MSRA: variants seen among roughly 807,000 people sequenced by gnomAD.
MSRA encodes mitochondrial peptide methionine sulfoxide reductase.
A neutral mutation model predicts 31.3 loss-of-function variants in MSRA; 54 were observed. That is an observed-to-expected ratio of 1.73 (90% CI 1.39 to 2.17). The LOEUF is 2.17. Ranked by LOEUF, MSRA falls within the 30% of genes most tolerant of loss-of-function variation. MSRA has a pLI of 0.00. For synonymous variants in MSRA, 169 were observed against 116.5 expected (o/e 1.45, Z -2.90); for missense variants, 507 against 300.9 (o/e 1.69, Z -5.07).
chr8:10,295,641 C>T (rs564199644), intron 3 of MSRA, among the ~76,000 whole-genome samples: 265 of 152,330 alleles, frequency 1.7e-3, no homozygotes, highest in Middle Eastern at 3.4e-3. Flanking sequence ...GGGTGTCATT[C>T]TCAACTCCAG....
At chr8:10,309,327 G>A (rs556528113) in intron 4 of MSRA, among the ~76,000 whole-genome samples, 45 of 152,390 alleles carry the variant, frequency 3.0e-4, no homozygotes, top group African/African-American at 8.7e-4. Context: ...GGAGCCTGCC[G>A]TGCAGAGCGT....
chr8:10,417,511 C>T (rs1306151192), intron 5 of MSRA, among the ~76,000 whole-genome samples: 3 of 152,068 alleles, frequency 2.0e-5, no homozygotes, highest in African/African-American at 7.2e-5. Context: ...GTCCCCCTTC[C>T]TTGTGGCTGA....
At chr8:10,149,774 A>G (rs756272203) in intron 1 of MSRA, among the ~76,000 whole-genome samples, 3 of 48,836 alleles carry the variant, frequency 6.1e-5, no homozygotes, top group African/African-American at 1.2e-4. Flanking sequence ...GGCAGAAACC[A>G]CAAAGGTGGT....
rs188405302 is a variant in MSRA, at chr8:10,189,171, G to C, written c.143-18662G>C. 1.4e-3 allele frequency among the ~76,000 whole-genome samples: 216 copies of C among 152,256 alleles called. 1 individual carries two copies. Among genetic ancestry groups the C allele is most frequent in the Admixed American group, 3.4e-3 (52 of 15,292 alleles). On this transcript the variant is annotated intron_variant, in intron 1 of 5. Coordinates refer to ENST00000317173, the MANE Select transcript of MSRA (RefSeq NM_012331.5). ...AAAAGAAATTAACATTTCATTTGTT[G>C]CTACTATGTAAAATTATAGTTTATT...
At chr8:10,232,041 T>C (rs377755761) in intron 2 of MSRA, among the ~76,000 whole-genome samples, 2 of 152,320 alleles carry the variant, frequency 1.3e-5, no homozygotes, top group East Asian at 1.9e-4. Flanking sequence ...GGGGAAAGTG[T>C]ACAGTCTCAG....
chr8:10,398,369 G>A (rs549472908), intron 5 of MSRA, among the ~76,000 whole-genome samples: 2 of 152,310 alleles, frequency 1.3e-5, no homozygotes, highest in African/African-American at 4.8e-5. Flanking sequence ...GCAGGTCAGG[G>A]TGGCTCCTCT....
intron 2 of MSRA, among the ~76,000 whole-genome samples, chr8:10,242,892 C>T (rs1158881650): frequency 2.0e-5 from 3 of 152,156 alleles, no homozygotes; most frequent in Non-Finnish European, 4.4e-5. Flanking sequence ...ATATTCCAGT[C>T]CCTGAGACGC....
intron 5 of MSRA, among the ~76,000 whole-genome samples, chr8:10,363,577 G>A (rs1804978742): frequency 6.6e-6 from 1 of 152,026 alleles, no homozygotes; most frequent in Non-Finnish European, 1.5e-5. Context: ...AAGCTCTTTA[G>A]GGCAGGATCT....
intron 5 of MSRA, among the ~76,000 whole-genome samples, chr8:10,340,591 T>C (rs1036269248): frequency 8.5e-5 from 13 of 152,346 alleles, no homozygotes; most frequent in Admixed American, 7.2e-4. Flanking sequence ...CAGGCTTGTT[T>C]TGAGTTCCTG....
At chr8:10,334,885 C>T (rs903713041) in intron 5 of MSRA, among the ~76,000 whole-genome samples, 1 of 152,250 alleles carries the variant, frequency 6.6e-6, no homozygotes, top group Admixed American at 6.5e-5. Flanking sequence ...CCGTCTGCCC[C>T]GCTGCCTCGG....
intron 5 of MSRA, among the ~76,000 whole-genome samples, chr8:10,385,734 C>T (rs776311634): frequency 6.1e-5 from 9 of 147,100 alleles, no homozygotes; most frequent in Non-Finnish European, 1.0e-4. Flanking sequence ...GAAGAGCTAC[C>T]GGTGTCATAG....
chr8:10,250,693 G>C (rs1032448299), intron 3 of MSRA: 40 of 546,866 alleles, frequency 7.3e-5, no homozygotes, highest in Non-Finnish European at 1.2e-4. Context: ...GACCCTCTGG[G>C]GGTGGTGATG....
intron 5 of MSRA, among the ~76,000 whole-genome samples, chr8:10,422,773 G>T (rs1169941490): frequency 1.3e-5 from 2 of 152,206 alleles, no homozygotes; most frequent in Non-Finnish European, 2.9e-5. Flanking sequence ...AGGGAGCTGG[G>T]CCGGGGCTAC....
intron 5 of MSRA, among the ~76,000 whole-genome samples, chr8:10,406,693 G>A (rs1384174746): frequency 3.3e-5 from 5 of 152,190 alleles, no homozygotes; most frequent in Non-Finnish European, 7.3e-5. Context: ...GGTTTTCACA[G>A]ATAAGCCATA....
intron 5 of MSRA, among the ~76,000 whole-genome samples, chr8:10,345,104 G>T (rs998151276): frequency 3.3e-5 from 5 of 152,126 alleles, no homozygotes; most frequent in African/African-American, 9.7e-5. Context: ...TCTAGAGATG[G>T]TGACGCCATG....
intron 5 of MSRA, among the ~76,000 whole-genome samples, chr8:10,406,236 G>A (rs77853206): frequency 4.1e-4 from 63 of 152,358 alleles, no homozygotes; most frequent in African/African-American, 1.5e-3. Context: ...GCTGAGGGAG[G>A]TCCCTTGCAG....
intron 3 of MSRA, among the ~76,000 whole-genome samples, chr8:10,247,277 A>G (rs1426988669): frequency 6.6e-6 from 1 of 152,174 alleles, no homozygotes; most frequent in Non-Finnish European, 1.5e-5. Flanking sequence ...AGGATAAATA[A>G]CTTACCTAAG....
chr8:10,079,037 C>G (rs1365172581), intron 1 of MSRA, among the ~76,000 whole-genome samples: 1 of 152,216 alleles, frequency 6.6e-6, no homozygotes, highest in African/African-American at 2.4e-5. Context: ...TGTGTGCTGG[C>G]AGGATCCTAC....
At chr8:10,121,539 C>G (rs1801107507) in intron 1 of MSRA, among the ~76,000 whole-genome samples, 1 of 152,120 alleles carries the variant, frequency 6.6e-6, no homozygotes. Flanking sequence ...TGAGTTTGGG[C>G]AAGAATGATT....
Sources: gnomAD v4.1 joint callset for allele counts (sites outside exome capture counted in the v4.1 genomes callset) on GRCh38, gnomAD v4.1.1 for gene constraint, MANE v1.5 for transcripts, NCBI Gene and HGNC (gene_info 2026-07-23, HGNC 2026-07-21) for gene names.